Variants in B3GALT1 observed in about 807,000 individuals in gnomAD.
B3GALT1 encodes the protein UDP-Gal:betaGlcNAc beta 1,3-galactosyltransferase, polypeptide 1.
A neutral mutation model predicts 23.2 loss-of-function variants in B3GALT1; 10 were observed. The observed-to-expected ratio is 0.43, with a 90% CI of 0.27 to 0.73. The LOEUF is 0.73. Ranked by LOEUF, B3GALT1 falls within the 30% of genes least tolerant of loss-of-function variation. The pLI is 0.21. For synonymous variants in B3GALT1, 156 were observed against 141.5 expected, an observed-to-expected ratio of 1.10 and a Z score of -0.73; for missense variants, 299 against 405.4, an observed-to-expected ratio of 0.74 and a Z score of 2.25.
intron 3 of B3GALT1, among the ~76,000 whole-genome samples, chr2:167,810,771 G>A (rs1394514547): frequency 1.4e-5 from 2 of 144,172 alleles, no homozygotes; most frequent in African/African-American, 5.9e-5. Context: ...ACAACTCCAG[G>A]AAAACTCTGC....
At chr2:167,774,590 C>T (rs763487203) in intron 3 of B3GALT1, among the ~76,000 whole-genome samples, 38 of 149,480 alleles carry the variant, frequency 2.5e-4, no homozygotes, top group African/African-American at 7.1e-4. Flanking sequence ...CTCCGCCTCC[C>T]GGGTTCAAGT....
intron 3 of B3GALT1, among the ~76,000 whole-genome samples, chr2:167,776,495 C>T (rs773319314): frequency 1.3e-5 from 2 of 152,150 alleles, no homozygotes; most frequent in African/African-American, 4.8e-5. Context: ...GCAGAGAACA[C>T]GAGTGACTGA....
At chr2:167,565,965 T>C (rs1442275194) in intron 2 of B3GALT1, among the ~76,000 whole-genome samples, 1 of 152,038 alleles carries the variant, frequency 6.6e-6, no homozygotes, top group African/African-American at 2.4e-5. Flanking sequence ...GATGTAGAAC[T>C]AGAAATACCA....
chr2:167,681,467 T>C (rs1686530167), intron 3 of B3GALT1, among the ~76,000 whole-genome samples: 2 of 152,166 alleles, frequency 1.3e-5, no homozygotes, highest in African/African-American at 4.8e-5. Flanking sequence ...ATGCAGGGAA[T>C]CTCAGACTCA....
In B3GALT1 at chr2:167,665,359, G is replaced by GT. The variant is rs1358162911; in HGVS notation, c.-352+18396dup. ...GCTTTTTGATGTGCTGCTGGATTTC[G>GT]TTTGCCAGTATTTTATTGAGGATTT... On this transcript the variant is annotated intron_variant, in intron 3 of 4. Coordinates refer to ENST00000392690, the MANE Select transcript of B3GALT1 (RefSeq NM_020981.4). 1.6e-4 allele frequency among the ~76,000 whole-genome samples: 21 copies of GT among 130,852 alleles called. No homozygotes were observed. The South Asian group carries it at 2.2e-3, about 14-fold the overall frequency. The allele number at this position is 130,852 out of a possible 152,430, so 85.8% of individuals were successfully genotyped here.
intron 2 of B3GALT1, among the ~76,000 whole-genome samples, chr2:167,512,946 A>G (rs930468382): frequency 6.8e-6 from 1 of 147,832 alleles, no homozygotes; most frequent in African/African-American, 2.5e-5. Context: ...CCCAGCCTAT[A>G]TTTTATATTT....
intron 2 of B3GALT1, among the ~76,000 whole-genome samples, chr2:167,536,196 C>T (rs1372303657): frequency 3.3e-5 from 5 of 152,032 alleles, no homozygotes; most frequent in Non-Finnish European, 5.9e-5. Context: ...AGTGAGCCAC[C>T]GCGCCCAGCC....
chr2:167,801,456 G>C (rs571310077), intron 3 of B3GALT1, among the ~76,000 whole-genome samples: 4 of 152,102 alleles, frequency 2.6e-5, no homozygotes, highest in Admixed American at 2.6e-4. Flanking sequence ...TTCACTTCAC[G>C]TCAAAGACCG....
At chr2:167,572,189 A>C (rs1684305293) in intron 2 of B3GALT1, among the ~76,000 whole-genome samples, 1 of 151,860 alleles carries the variant, frequency 6.6e-6, no homozygotes, top group Non-Finnish European at 1.5e-5. Flanking sequence ...TAATACATAC[A>C]GGCTATTCAT....
At chr2:167,630,284 A>G (rs555992083) in intron 2 of B3GALT1, among the ~76,000 whole-genome samples, 14 of 151,764 alleles carry the variant, frequency 9.2e-5, no homozygotes, top group Non-Finnish European at 1.9e-4. Flanking sequence ...AAACAACCAA[A>G]CAGGGTTGAT....
chr2:167,640,795 G>A (rs566308920), intron 2 of B3GALT1, among the ~76,000 whole-genome samples: 1 of 152,202 alleles, frequency 6.6e-6, no homozygotes, highest in South Asian at 2.1e-4. Flanking sequence ...ACTGACTCAT[G>A]GTGCTCATTT....
chr2:167,303,802 AGTCATTTTTGTTTCCATGAG>A (rs1696500608), intron 1 of B3GALT1, among the ~76,000 whole-genome samples: 1 of 152,042 alleles, frequency 6.6e-6, no homozygotes, highest in South Asian at 2.1e-4. Flanking sequence ...CTTCAGGGGA[AGTCATTTTTGTTTCCATGAG>A]CAATTCAGAG....
At chr2:167,319,965 A>C (rs1486099584) in intron 1 of B3GALT1, among the ~76,000 whole-genome samples, 2 of 152,060 alleles carry the variant, frequency 1.3e-5, no homozygotes, top group Non-Finnish European at 2.9e-5. Flanking sequence ...TATTACTTAC[A>C]TACCTCAGGT....
intron 3 of B3GALT1, among the ~76,000 whole-genome samples, chr2:167,678,099 A>C (rs769462020): frequency 1.1e-4 from 16 of 152,042 alleles, no homozygotes; most frequent in Non-Finnish European, 1.8e-4. Flanking sequence ...CCCTTATCCA[A>C]TCACCCAGGT....
At chr2:167,695,932 C>T (rs1376685935) in intron 3 of B3GALT1, among the ~76,000 whole-genome samples, 1 of 152,082 alleles carries the variant, frequency 6.6e-6, no homozygotes, top group African/African-American at 2.4e-5. Context: ...CAGTTGTATA[C>T]TGTCTGTTGT....
chr2:167,814,401 G>A (rs997095679), intron 3 of B3GALT1, among the ~76,000 whole-genome samples: 3 of 152,186 alleles, frequency 2.0e-5, no homozygotes, highest in Admixed American at 6.5e-5. Flanking sequence ...GCCTAGAGAA[G>A]CTATAACAAT....
At chr2:167,632,344 G>A (rs1015294967) in intron 2 of B3GALT1, among the ~76,000 whole-genome samples, 1 of 152,006 alleles carries the variant, frequency 6.6e-6, no homozygotes, top group African/African-American at 2.4e-5. Flanking sequence ...GGTATTTCTA[G>A]TTCTAGATCC....
In B3GALT1 at chr2:167,547,423, G is replaced by A. The variant is rs145506617; in HGVS notation, c.-410+57146G>A. Among the ~76,000 whole-genome samples, 793 of 152,224 alleles carry A rather than the reference G, an allele frequency of 5.2e-3. 9 individuals are homozygous for A. The highest frequency in any genetic ancestry group is 0.018 in the African/African-American group (755 of 41,538). ...TGTTAAAAGTCACAGAGGGCCGGGC[G>A]CGGTGGCCCACGCCTGTAATTCCAG... On this transcript the variant is annotated intron_variant, in intron 2 of 4. Coordinates refer to ENST00000392690, the MANE Select transcript of B3GALT1 (RefSeq NM_020981.4).
rs144099662 is a variant in B3GALT1 at position 167,869,679 on chromosome 2, C to T, written c.640C>T (p.Arg214Trp). Residue 214 changes from arginine (R) to tryptophan (W), a missense_variant, in exon 5 of 5, where the codon CGG (arginine) becomes TGG (tryptophan). Around this residue, in one of 3 missense-constraint regions of B3GALT1, gnomAD observed 133 missense variants for 204.8 expected, o/e 0.65. Transcript: ENST00000392690. The surrounding 1 kb of genome is among the most constrained non-coding windows in gnomAD (Gnocchi z 6.4). ...CTATGTCATTAATGGAGGACCGATTCGGGATGTCCGCAGTAAGTGGTATAT... is the reference window on the plus strand; with the variant it reads ...CTATGTCATTAATGGAGGACCGATTTGGGATGTCCGCAGTAAGTGGTATAT... ...TGYVINGGPIRDVRSKWYMPR... is the reference protein window; with the variant it reads ...TGYVINGGPIWDVRSKWYMPR... 9 of 1,614,102 alleles carry T rather than the reference C, an allele frequency of 5.6e-6. No homozygotes were observed. Among genetic ancestry groups the T allele is most frequent in the Non-Finnish European group, 7.6e-6 (9 of 1,179,972 alleles).
Sources: gnomAD v4.1 joint callset for allele counts (sites outside exome capture counted in the v4.1 genomes callset) on GRCh38, gnomAD v4.1.1 for gene constraint, gnomAD v4.1.1 regional missense constraint, Gnocchi (gnomAD v3.1) non-coding constraint, MANE v1.5 for transcripts, NCBI Gene and HGNC (gene_info 2026-07-23, HGNC 2026-07-21) for gene names.